Variants in PPM1E observed in about 807,000 individuals in gnomAD.
PPM1E encodes protein phosphatase 1E.
In PPM1E, 20 loss-of-function variants were observed where a neutral mutation model predicts 65.9. The ratio of observed to expected loss-of-function variants is 0.30; its 90% CI spans 0.21 to 0.44. The LOEUF is 0.44. Ranked by LOEUF, PPM1E falls within the 20% of genes least tolerant of loss-of-function variation. The pLI, the probability that PPM1E is intolerant of heterozygous loss-of-function variation, is 1.00. For synonymous variants in PPM1E, 352 were observed against 374.9 expected (o/e 0.94, Z 0.70); for missense variants, 713 against 953.1 (o/e 0.75, Z 3.32).
At chr17:58,776,813 A>G (rs2144193450) in intron 1 of PPM1E, among the ~76,000 whole-genome samples, 1 of 152,358 alleles carries the variant, frequency 6.6e-6, no homozygotes, top group East Asian at 1.9e-4. Flanking sequence ...AGACTCTGTT[A>G]TAATCAGGAC....
intron 1 of PPM1E, among the ~76,000 whole-genome samples, chr17:58,813,197 C>T (rs1410310548): frequency 6.6e-6 from 1 of 152,174 alleles, no homozygotes; most frequent in East Asian, 1.9e-4. Context: ...TTATGTATCT[C>T]TATCCTCTTT....
chr17:58,964,165 G>A (rs1363877736), intron 2 of PPM1E, among the ~76,000 whole-genome samples: 1 of 152,276 alleles, frequency 6.6e-6, no homozygotes, highest in African/African-American at 2.4e-5. Context: ...GAGGAGGCAC[G>A]TGTAGCCATT....
intron 1 of PPM1E, among the ~76,000 whole-genome samples, chr17:58,900,100 T>G (rs1023434949): frequency 6.6e-6 from 1 of 151,828 alleles, no homozygotes; most frequent in Non-Finnish European, 1.5e-5. Context: ...TAACATGGAA[T>G]CTACTCATGG....
At chr17:58,802,408 A>G (rs2050267470) in intron 1 of PPM1E, among the ~76,000 whole-genome samples, 1 of 152,156 alleles carries the variant, frequency 6.6e-6, no homozygotes. Context: ...TTTTTATGCC[A>G]GTGCCATACT....
chr17:58,812,003 T>C (rs2050372961), intron 1 of PPM1E, among the ~76,000 whole-genome samples: 3 of 152,094 alleles, frequency 2.0e-5, no homozygotes, highest in Admixed American at 2.0e-4. Context: ...AATTTTGTGT[T>C]TGCAGTTCAT....
At chr17:58,873,855 C>G (rs947048177) in intron 1 of PPM1E, among the ~76,000 whole-genome samples, 2 of 151,246 alleles carry the variant, frequency 1.3e-5, no homozygotes, top group Non-Finnish European at 1.5e-5. Context: ...CCTTAGCCCC[C>G]CAAAGGGCTA....
intron 1 of PPM1E, among the ~76,000 whole-genome samples, chr17:58,779,979 C>G (rs2050035653): frequency 6.6e-6 from 1 of 152,178 alleles, no homozygotes; most frequent in Non-Finnish European, 1.5e-5. Flanking sequence ...CATAATTTAA[C>G]TTTCCCATTA....
At chr17:58,848,140 C>A (rs543581699) in intron 1 of PPM1E, among the ~76,000 whole-genome samples, 3 of 152,164 alleles carry the variant, frequency 2.0e-5, no homozygotes, top group African/African-American at 7.2e-5. Flanking sequence ...TGAGACTTTG[C>A]TGAAGTTGCA....
rs1388507308 is a variant in PPM1E at position 58,873,603 on chromosome 17, A to G, written c.465-82046A>G. Among the ~76,000 whole-genome samples, 8 of 122,484 alleles carry G rather than the reference A, an allele frequency of 6.5e-5. 1 individual carries two copies. In the South Asian group the frequency reaches 2.2e-3, roughly 34 times the overall value. 80.4% of individuals were successfully genotyped at this position (122,484 alleles called of 152,430 possible). ...TATTATTATTATTATTATTATTATTATTATTTTCGAGTCAGGGTCTCACTT... is the reference window on the plus strand; with the variant it reads ...TATTATTATTATTATTATTATTATTGTTATTTTCGAGTCAGGGTCTCACTT... On this transcript the variant is annotated intron_variant, in intron 1 of 6. Transcript: ENST00000308249.
chr17:58,980,791 G>A lies in PPM1E; in HGVS notation c.2028G>A (p.Lys676=), dbSNP rs139762980. 33 of 1,614,068 alleles carry A rather than the reference G, an allele frequency of 2.0e-5. No homozygotes were observed. Among genetic ancestry groups the A allele is most frequent in the Non-Finnish European group, 2.8e-5 (33 of 1,180,030 alleles). ...RLSHLRHHYS[K]KWHRFRFNPK... is the part of the protein sequence containing the mutation. ...CTCATTTACGCCACCACTACTCAAA[G>A]AAGTGGCACAGATTCAGGTTTAATC... is the stretch of plus-strand genomic sequence containing the variant. The change falls in exon 7 of 7, where the codon AAG becomes AAA. Residue 676 remains lysine, a synonymous_variant. Transcript: ENST00000308249. This position sits in a 1 kb window ranked among gnomAD's most constrained non-coding sequence, Gnocchi z 4.7.
intron 1 of PPM1E, among the ~76,000 whole-genome samples, chr17:58,916,987 A>G (rs1330038144): frequency 6.6e-6 from 1 of 152,130 alleles, no homozygotes; most frequent in East Asian, 1.9e-4. Flanking sequence ...AGGCAGGTGG[A>G]TTGCTTGAGG....
chr17:58,971,877 T>C (rs1489932749), intron 4 of PPM1E, among the ~76,000 whole-genome samples: 1 of 152,258 alleles, frequency 6.6e-6, no homozygotes, highest in Non-Finnish European at 1.5e-5. Flanking sequence ...AGTTTTCTTA[T>C]CTATATTTAA....
intron 1 of PPM1E, among the ~76,000 whole-genome samples, chr17:58,858,017 T>C (rs1237749017): frequency 3.9e-5 from 6 of 152,150 alleles, no homozygotes; most frequent in Admixed American, 3.9e-4. Flanking sequence ...GAATTAAGAA[T>C]GTTTTGGAGT....
intron 1 of PPM1E, among the ~76,000 whole-genome samples, chr17:58,792,845 C>A (rs2050169752): frequency 6.8e-6 from 1 of 146,766 alleles, no homozygotes; most frequent in Non-Finnish European, 1.5e-5. Context: ...CCTCCGCCTC[C>A]TGGGTTCAAG....
chr17:58,882,403 T>A (rs2051205925), intron 1 of PPM1E, among the ~76,000 whole-genome samples: 1 of 152,264 alleles, frequency 6.6e-6, no homozygotes, highest in South Asian at 2.1e-4. Flanking sequence ...TTGCATTTTT[T>A]TTTTGAGACG....
chr17:58,809,435 C>T (rs2050344594), intron 1 of PPM1E, among the ~76,000 whole-genome samples: 1 of 151,994 alleles, frequency 6.6e-6, no homozygotes, highest in African/African-American at 2.4e-5. Flanking sequence ...CTGTGTTGCC[C>T]AGGTGGGAGT....
intron 1 of PPM1E, among the ~76,000 whole-genome samples, chr17:58,944,983 A>C (rs2052127571): frequency 1.3e-5 from 2 of 152,106 alleles, no homozygotes; most frequent in Admixed American, 6.6e-5. Flanking sequence ...AGTTGCCAAC[A>C]CCTGTTATTA....
At chr17:58,883,731 C>A (rs578061267) in intron 1 of PPM1E, among the ~76,000 whole-genome samples, 2 of 151,156 alleles carry the variant, frequency 1.3e-5, no homozygotes, top group Admixed American at 6.6e-5. Context: ...GTGATCCGCC[C>A]GCCTCGGCCT....
intron 1 of PPM1E, among the ~76,000 whole-genome samples, chr17:58,791,748 T>A (rs1455378177): frequency 6.6e-6 from 1 of 152,134 alleles, no homozygotes; most frequent in Non-Finnish European, 1.5e-5. Flanking sequence ...CTACATCACA[T>A]GTATGGAGGT....
Sources: allele counts gnomAD v4.1 joint callset (sites outside exome capture counted in the v4.1 genomes callset), GRCh38; gene constraint gnomAD v4.1.1; non-coding constraint Gnocchi (gnomAD v3.1); transcripts MANE v1.5; gene names NCBI Gene and HGNC (gene_info 2026-07-23, HGNC 2026-07-21).